The following SPON1 variants were observed in gnomAD, a reference collection of about 807,000 sequenced individuals.
The protein encoded by SPON1 is spondin 1.
SPON1 carries 52 observed loss-of-function variants against 111.7 expected under a neutral mutation model. That is an observed-to-expected ratio of 0.47 (90% CI 0.37 to 0.59). The LOEUF (loss-of-function observed/expected upper bound fraction) is 0.59. SPON1 is among the 20% of genes least tolerant of loss of function. The pLI is 0.00. For synonymous variants in SPON1, 410 were observed against 395.8 expected (o/e 1.04, Z -0.43); for missense variants, 957 against 1,068.5 (o/e 0.90, Z 1.46).
chr11:14,192,438 C>T (rs1203908265), intron 6 of SPON1, among the ~76,000 whole-genome samples: 1 of 151,952 alleles, frequency 6.6e-6, no homozygotes, highest in East Asian at 1.9e-4. Context: ...ATTTATTATG[C>T]ATAAAAGTAG....
chr11:14,132,758 T>A (rs1175275214), intron 5 of SPON1, among the ~76,000 whole-genome samples: 3 of 152,320 alleles, frequency 2.0e-5, no homozygotes, highest in Non-Finnish European at 2.9e-5. Flanking sequence ...ACATATTTCT[T>A]ATCTCTTATA....
chr11:14,158,775 T>TA (rs1847877692), intron 6 of SPON1, among the ~76,000 whole-genome samples: 1 of 152,176 alleles, frequency 6.6e-6, no homozygotes, highest in Non-Finnish European at 1.5e-5. Context: ...GTTGGCCTCA[T>TA]ATAAGCTCGC....
At chr11:14,166,167 G>A (rs1394490507) in intron 6 of SPON1, among the ~76,000 whole-genome samples, 4 of 152,174 alleles carry the variant, frequency 2.6e-5, no homozygotes, top group African/African-American at 9.7e-5. Context: ...AAAGAAGCAT[G>A]CCATTCCAGT....
intron 3 of SPON1, among the ~76,000 whole-genome samples, chr11:14,064,752 C>T (rs1477716335): frequency 1.3e-5 from 2 of 152,066 alleles, no homozygotes; most frequent in Non-Finnish European, 2.9e-5. Flanking sequence ...AGTCCCCTGG[C>T]AGAGCATAGG....
intron 6 of SPON1, among the ~76,000 whole-genome samples, chr11:14,240,895 C>A (rs1554939605): frequency 6.6e-6 from 1 of 151,922 alleles, no homozygotes; most frequent in Non-Finnish European, 1.5e-5. Flanking sequence ...TGAAGATATC[C>A]AACACTTTAA....
At chr11:14,036,489 G>A (rs1848595141) in intron 2 of SPON1, among the ~76,000 whole-genome samples, 1 of 152,174 alleles carries the variant, frequency 6.6e-6, no homozygotes, top group African/African-American at 2.4e-5. Context: ...CCAGGTTAGA[G>A]GAAAGACGGT....
chr11:14,172,180 A>G (rs1286025596), intron 6 of SPON1, among the ~76,000 whole-genome samples: 2 of 151,920 alleles, frequency 1.3e-5, no homozygotes, highest in East Asian at 1.9e-4. Flanking sequence ...GTGCTCCTGT[A>G]TTGGGTGCAT....
chr11:14,150,232 A>G (rs1847770888), intron 6 of SPON1, among the ~76,000 whole-genome samples: 2 of 152,164 alleles, frequency 1.3e-5, no homozygotes, highest in Non-Finnish European at 2.9e-5. Context: ...GGAAAGATAA[A>G]TATCACATGC....
chr11:14,124,293 A>G (rs1554926822), intron 5 of SPON1, among the ~76,000 whole-genome samples: 1 of 152,168 alleles, frequency 6.6e-6, no homozygotes, highest in Non-Finnish European at 1.5e-5. Context: ...TTTGTCTACA[A>G]AAATAACCTT....
chr11:13,987,705 A>T (rs1171054131), intron 2 of SPON1, among the ~76,000 whole-genome samples: 2 of 152,152 alleles, frequency 1.3e-5, no homozygotes, highest in East Asian at 3.8e-4. Flanking sequence ...TAAGTTTCTG[A>T]TCCACCTTGA....
intron 5 of SPON1, among the ~76,000 whole-genome samples, chr11:14,106,302 A>C (rs1448488465): frequency 2.0e-5 from 3 of 152,198 alleles, no homozygotes; most frequent in African/African-American, 7.2e-5. Context: ...AATATTATAA[A>C]CACCAAAAAG....
At chr11:14,224,698 A>G in intron 6 of SPON1, 1 of 478,538 alleles carries the variant, frequency 2.1e-6, no homozygotes, top group South Asian at 1.6e-5. Context: ...ATGAGGATGA[A>G]GATGAGGATG....
intron 1 of SPON1, among the ~76,000 whole-genome samples, chr11:13,968,496 A>G (rs1554908280): frequency 6.6e-6 from 1 of 152,252 alleles, no homozygotes. Context: ...GAGTAAACTC[A>G]TTAATTGTGT....
Position 14,137,969 on chromosome 11 carries a change from T to C in SPON1, c.825+2401T>C, listed in dbSNP as rs544484648. Among the ~76,000 whole-genome samples, 28 of 152,340 alleles carry C rather than the reference T, an allele frequency of 1.8e-4. No individual in the cohort carries two copies. The South Asian group carries it at 5.4e-3, about 29-fold the overall frequency. ...CCCCGCAAGCACACAATTGATTTATTTTTTTGTAAGTCAGGTAAGAAACAA... is the reference window on the plus strand; with the variant it reads ...CCCCGCAAGCACACAATTGATTTATCTTTTTGTAAGTCAGGTAAGAAACAA... On this transcript the variant is annotated intron_variant, in intron 6 of 15. Coordinates refer to ENST00000576479, the MANE Select transcript of SPON1 (RefSeq NM_006108.4).
chr11:14,036,994 T>G (rs1409604092), intron 2 of SPON1, among the ~76,000 whole-genome samples: 1 of 151,856 alleles, frequency 6.6e-6, no homozygotes, highest in East Asian at 1.9e-4. Context: ...AAGTGGGAGG[T>G]GAAGGGAAGA....
chr11:14,065,803 A>G (rs1848828223), intron 3 of SPON1, among the ~76,000 whole-genome samples: 1 of 152,228 alleles, frequency 6.6e-6, no homozygotes. Context: ...TGTGCACATC[A>G]AACAAAATTT....
intron 1 of SPON1, among the ~76,000 whole-genome samples, chr11:13,972,396 A>C (rs1480239747): frequency 6.6e-6 from 1 of 152,230 alleles, no homozygotes; most frequent in Non-Finnish European, 1.5e-5. Flanking sequence ...CGTTAGATTT[A>C]ATCCAGCATG....
At position 14,135,657 on chromosome 11, in the gene SPON1, A is replaced by C; in HGVS notation, c.825+89A>C. 7.4e-7 allele frequency: 1 copy of C among 1,343,270 alleles called. No homozygotes were observed. The highest frequency in any genetic ancestry group is 1.0e-6 in the Non-Finnish European group (1 of 965,510). The allele number at this position is 1,343,270 out of a possible 1,614,324, so 83.2% of individuals were successfully genotyped here. On this transcript the variant is annotated intron_variant, in intron 6 of 15. Transcript: ENST00000576479. The surrounding 1 kb of genome is among the most constrained non-coding windows in gnomAD (Gnocchi z 4.4). ...TCTTTCCCAGGGGCTTGAAATTTGC[A>C]GTACAATGTGGTGGAAGAAAATCTA...
chr11:14,000,962 T>C (rs1274958881), intron 2 of SPON1, among the ~76,000 whole-genome samples: 2 of 152,166 alleles, frequency 1.3e-5, no homozygotes, highest in Non-Finnish European at 2.9e-5. Context: ...GTATAAGAAC[T>C]TCTAATGTCT....
Sources: gnomAD v4.1 joint callset for allele counts (sites outside exome capture counted in the v4.1 genomes callset) on GRCh38, gnomAD v4.1.1 for gene constraint, Gnocchi (gnomAD v3.1) non-coding constraint, MANE v1.5 for transcripts, NCBI Gene and HGNC (gene_info 2026-07-23, HGNC 2026-07-21) for gene names.